Variants in TAF4B observed in about 807,000 individuals in gnomAD.
The protein encoded by TAF4B is transcription initiation factor TFIID subunit 4B.
A neutral mutation model predicts 86.4 loss-of-function variants in TAF4B; 38 were observed. The observed-to-expected ratio is 0.44, with a 90% CI of 0.34 to 0.58. The LOEUF (loss-of-function observed/expected upper bound fraction) is 0.58. Among genes scored for constraint, TAF4B ranks in the 20% least tolerant of loss-of-function variants. The probability of loss-of-function intolerance (pLI) is 0.02; values close to 1 mark genes in which losing one functional copy is unlikely to be tolerated. For missense variants in TAF4B, 988 were observed against 1,027.6 expected (o/e 0.96, Z 0.53); for synonymous variants, 388 against 391.2 (o/e 0.99, Z 0.10).
intron 6 of TAF4B, among the ~76,000 whole-genome samples, chr18:26,282,745 C>T (rs547473977): frequency 1.6e-4 from 24 of 152,332 alleles, no homozygotes; most frequent in Admixed American, 7.2e-4. Flanking sequence ...GATAGCATTT[C>T]ACACACAGCA....
At chr18:26,231,229 G>C (rs530623371) in intron 1 of TAF4B, among the ~76,000 whole-genome samples, 2 of 151,060 alleles carry the variant, frequency 1.3e-5, no homozygotes, top group Non-Finnish European at 3.0e-5. Context: ...TTTTAGTAGA[G>C]ATGAGGTTTC....
chr18:26,249,782 G>T (rs2055978079), intron 1 of TAF4B, among the ~76,000 whole-genome samples: 1 of 152,036 alleles, frequency 6.6e-6, no homozygotes, highest in Non-Finnish European at 1.5e-5. Context: ...GAGTGCAGTG[G>T]CATGACCTCA....
chr18:26,279,859 T>C (rs977436031), intron 5 of TAF4B, among the ~76,000 whole-genome samples: 5 of 152,106 alleles, frequency 3.3e-5, no homozygotes, highest in African/African-American at 1.2e-4. Context: ...ATGGTCAACA[T>C]GGCGAAACCC....
chr18:26,351,145 G>A (rs1368825611), intron 13 of TAF4B, among the ~76,000 whole-genome samples: 1 of 152,004 alleles, frequency 6.6e-6, no homozygotes, highest in African/African-American at 2.4e-5. Context: ...AATGGATAAA[G>A]AAAATGTGCT....
intron 1 of TAF4B, among the ~76,000 whole-genome samples, chr18:26,262,939 G>T (rs1192138701): frequency 2.0e-5 from 3 of 151,980 alleles, no homozygotes; most frequent in Non-Finnish European, 4.4e-5. Flanking sequence ...TGACACAAAA[G>T]ACTTTTTTTT....
chr18:26,319,143 A>C (rs1057490462), intron 10 of TAF4B, among the ~76,000 whole-genome samples: 8 of 152,134 alleles, frequency 5.3e-5, no homozygotes, highest in African/African-American at 1.9e-4. Context: ...GCAGTGGGCT[A>C]TGATTGCTCC....
In TAF4B at chr18:26,239,111, G is replaced by T. The variant is rs573642478; in HGVS notation, c.343+11835G>T. Among the ~76,000 whole-genome samples the T allele has an allele frequency of 1.0e-3, 157 of 152,310 alleles. 1 individual carries two copies. Among genetic ancestry groups the T allele is most frequent in the Non-Finnish European group, 1.9e-3 (132 of 68,030 alleles). ...GTCCTTTGGGTATATACCCAGTAAT[G>T]GGATGGCTGGGTCAAATGGTATTTC... On this transcript the variant is annotated intron_variant, in intron 1 of 14. Coordinates refer to ENST00000269142, the MANE Select transcript of TAF4B (RefSeq NM_005640.3).
intron 5 of TAF4B, among the ~76,000 whole-genome samples, chr18:26,276,991 A>C (rs554660912): frequency 7.2e-5 from 11 of 152,298 alleles, no homozygotes; most frequent in African/African-American, 2.6e-4. Flanking sequence ...GTTTTAGGAT[A>C]CCTTTAAATT....
intron 3 of TAF4B, among the ~76,000 whole-genome samples, chr18:26,271,017 G>A (rs1428157426): frequency 6.6e-6 from 1 of 152,174 alleles, no homozygotes; most frequent in Non-Finnish European, 1.5e-5. Flanking sequence ...TTTAAGTTGG[G>A]CTACTCCTTA....
Position 26,286,122 on chromosome 18 carries a change from G to A in TAF4B, c.1213G>A (p.Ala405Thr). Residue 405 changes from alanine to threonine, a missense_variant, in exon 7 of 15, where the codon GCA becomes ACA. Around this residue, in one of 3 missense-constraint regions of TAF4B, gnomAD observed 747 missense variants for 737.9 expected, o/e 1.01. Transcript: ENST00000269142. ...GAACCCACTTGCTGGTCCAGTGGGA[G>A]CAAAAGCTGGAGTTGTGACACTTCA... is the stretch of plus-strand genomic sequence containing the variant. ...TLNPLAGPVG[A>T]KAGVVTLHSV... 1 of 1,614,238 alleles carries A rather than the reference G, an allele frequency of 6.2e-7. No individual in the cohort carries two copies. The highest frequency in any genetic ancestry group is 8.5e-7 in the Non-Finnish European group (1 of 1,180,038).
At position 26,293,376 on chromosome 18, in the gene TAF4B, G is replaced by A. The variant is rs757071437; in HGVS notation, c.1727-50G>A. On this transcript the variant is annotated intron_variant, in intron 8 of 14. Transcript: ENST00000269142. ...GGTTGTCCTGGATTTTTCCTAATGT[G>A]GTGTGATTGCTTTTTTTGTATTCTA... 1.8e-5 allele frequency: 23 copies of A among 1,295,964 alleles called. No individual in the cohort carries two copies. The African/African-American group carries it at 2.2e-4, about 13-fold the overall frequency. The allele number at this position is 1,295,964 out of a possible 1,614,324, so 80.3% of individuals were successfully genotyped here. A position where few individuals can be genotyped will look rare whatever the true frequency, so the allele number is the denominator to read the frequency against.
intron 13 of TAF4B, among the ~76,000 whole-genome samples, chr18:26,352,522 T>C (rs1383118124): frequency 6.6e-6 from 1 of 152,028 alleles, no homozygotes; most frequent in East Asian, 1.9e-4. Context: ...TTCATAAGAC[T>C]GAGAAAGGAA....
At position 26,227,091 on chromosome 18, in the gene TAF4B, G is replaced by A; in HGVS notation, c.158G>A (p.Cys53Tyr). Residue 53 changes from cysteine to tyrosine, a missense_variant, in exon 1 of 15, where the codon TGC becomes TAC. By Grantham distance (194) the Cys-to-Tyr change is radical (BLOSUM62 -2). Coordinates refer to ENST00000269142, the MANE Select transcript of TAF4B (RefSeq NM_005640.3). ...GTGACTAAGGCTCCTGTCAGCGTCT[G>A]CGTGGAGCCCACGGCGTCCCAGCCC... Reference protein sequence around the residue: ...GAVTKAPVSVCVEPTASQPLR... With the variant: ...GAVTKAPVSVYVEPTASQPLR... 6.2e-7 allele frequency: 1 copy of A among 1,610,952 alleles called. No homozygotes were observed. The highest frequency in any genetic ancestry group is 8.5e-7 in the Non-Finnish European group (1 of 1,179,116).
chr18:26,237,788 A>G (rs897443671), intron 1 of TAF4B, among the ~76,000 whole-genome samples: 1 of 152,084 alleles, frequency 6.6e-6, no homozygotes, highest in African/African-American at 2.4e-5. Context: ...TTTCCCCATC[A>G]GAGAGAGAAT....
chr18:26,307,619 A>G (rs1598784212), intron 9 of TAF4B, among the ~76,000 whole-genome samples: 1 of 152,290 alleles, frequency 6.6e-6, no homozygotes, highest in South Asian at 2.1e-4. Context: ...TTTAACAACT[A>G]GGGGTTTTAG....
chr18:26,348,134 A>G (rs1012086018), intron 13 of TAF4B, among the ~76,000 whole-genome samples: 2 of 152,258 alleles, frequency 1.3e-5, no homozygotes, highest in Non-Finnish European at 2.9e-5. Flanking sequence ...CCAGAAGTAC[A>G]TGGAACATTT....
In TAF4B at chr18:26,236,769, C is replaced by T. The variant is rs186793374; in HGVS notation, c.343+9493C>T. Among the ~76,000 whole-genome samples, 28 of 152,258 alleles carry T rather than the reference C, an allele frequency of 1.8e-4. No individual in the cohort carries two copies. The East Asian group carries it at 3.9e-3, about 21-fold the overall frequency. On this transcript the variant is annotated intron_variant, in intron 1 of 14. Coordinates refer to ENST00000269142, the MANE Select transcript of TAF4B (RefSeq NM_005640.3). The stretch of plus-strand genomic sequence containing the variant: ...CTTTTCCTTTTCGTCCTGTTCCTCT[C>T]GGTCCCTATTATAGAACACTGAGGT...
intron 9 of TAF4B, among the ~76,000 whole-genome samples, chr18:26,305,100 C>T (rs1204364613): frequency 6.6e-6 from 1 of 152,132 alleles, no homozygotes; most frequent in African/African-American, 2.4e-5. Context: ...TCCTTTATGG[C>T]TTTTGAATTC....
In TAF4B at chr18:26,390,318, A is replaced by G. The variant is rs574108723; in HGVS notation, c.*306A>G. ...TTGTTACTACCTGCCTCATTTGCCA[A>G]ATTGTAGCAGGTGAGGTGTCCTTCC... is the stretch of plus-strand genomic sequence containing the variant. On this transcript the variant is annotated 3_prime_UTR_variant, in exon 15 of 15. Transcript: ENST00000269142. 1.7e-5 allele frequency: 4 copies of G among 238,220 alleles called. No homozygotes were observed. The highest frequency in any genetic ancestry group is 3.2e-5 in the Non-Finnish European group (4 of 124,700). 14.8% of individuals were successfully genotyped at this position (238,220 alleles called of 1,614,324 possible).
Sources: allele counts gnomAD v4.1 joint callset (sites outside exome capture counted in the v4.1 genomes callset), GRCh38; gene constraint gnomAD v4.1.1; regional missense constraint gnomAD v4.1.1; transcripts MANE v1.5; gene names NCBI Gene and HGNC (gene_info 2026-07-23, HGNC 2026-07-21).